Variants in PKIB observed in about 807,000 individuals in gnomAD.
PKIB encodes PKI-beta.
PKIB carries 2 observed loss-of-function variants against 4.5 expected under a neutral mutation model. The ratio of observed to expected loss-of-function variants is 0.44; its 90% CI spans 0.18 to 1.39. The LOEUF (loss-of-function observed/expected upper bound fraction) is 1.39. Ranked by LOEUF, PKIB falls within the 40% of genes most tolerant of loss-of-function variation. The probability of loss-of-function intolerance (pLI) is 0.27; values close to 1 mark genes in which losing one functional copy is unlikely to be tolerated. For missense variants in PKIB, 94 were observed against 92.6 expected, an observed-to-expected ratio of 1.02 and a Z score of -0.06; for synonymous variants, 38 against 36.0, an observed-to-expected ratio of 1.06 and a Z score of -0.20.
At chr6:122,633,929 C>CCTAT (rs61254507) in intron 2 of PKIB, among the ~76,000 whole-genome samples, 36,092 of 145,718 alleles carry the variant, frequency 0.25, 4,428 homozygotes, top group Middle Eastern at 0.33. Flanking sequence ...AGATATCTGT[C>CCTAT]CTATCTATCT....
At chr6:122,552,688 A>C (rs1772713624) in intron 2 of PKIB, among the ~76,000 whole-genome samples, 1 of 152,152 alleles carries the variant, frequency 6.6e-6, no homozygotes. Flanking sequence ...CATCTCAGGC[A>C]GTTCTAAAAC....
At chr6:122,630,102 TAAATCAAAACTATTGTA>T (rs1775635127) in intron 1 of PKIB, among the ~76,000 whole-genome samples, 1 of 152,146 alleles carries the variant, frequency 6.6e-6, no homozygotes, top group Admixed American at 6.5e-5. Flanking sequence ...TTTTTTTTTG[TAAATCAAAACTATTGTA>T]AAAAAATATG....
chr6:122,527,606 A>C lies in PKIB; in HGVS notation c.-248+49667A>C, dbSNP rs1777131987. 3.9e-5 allele frequency among the ~76,000 whole-genome samples: 6 copies of C among 152,258 alleles called. No homozygotes were observed. The South Asian group carries it at 1.2e-3, about 32-fold the overall frequency. On this transcript the variant is annotated intron_variant, in intron 2 of 6. Transcript: ENST00000392491. ...GTCAGAACATATACAACATTTATCA[A>C]TCAGTTTCACTGTTTTATATGGGAA... is the stretch of plus-strand genomic sequence containing the variant.
intron 3 of PKIB, among the ~76,000 whole-genome samples, chr6:122,598,235 A>C (rs1200288810): frequency 6.6e-6 from 1 of 152,202 alleles, no homozygotes; most frequent in African/African-American, 2.4e-5. Context: ...TCTTCTGTCC[A>C]TTCGACCTAG....
intron 1 of PKIB, among the ~76,000 whole-genome samples, chr6:122,613,545 A>G (rs1774851687): frequency 6.6e-6 from 1 of 152,172 alleles, no homozygotes; most frequent in Non-Finnish European, 1.5e-5. Context: ...AGACATTTTC[A>G]TATGTTATAT....
chr6:122,637,616 C>A (rs140303963), intron 2 of PKIB, among the ~76,000 whole-genome samples: 1 of 151,776 alleles, frequency 6.6e-6, no homozygotes. Context: ...ATTAGCTGGG[C>A]GTGGTGGCAG....
chr6:122,655,420 C>T (rs1258762657), intron 2 of PKIB, among the ~76,000 whole-genome samples: 1 of 152,130 alleles, frequency 6.6e-6, no homozygotes, highest in African/African-American at 2.4e-5. Flanking sequence ...AAAAGAGATC[C>T]AGGAGAACTC....
At chr6:122,521,656 G>T (rs924864955) in intron 2 of PKIB, among the ~76,000 whole-genome samples, 2 of 151,906 alleles carry the variant, frequency 1.3e-5, no homozygotes, top group Admixed American at 6.6e-5. Flanking sequence ...CTCCAGCCTG[G>T]GTGACAGAGC....
At chr6:122,519,242 T>A (rs1440553426) in intron 2 of PKIB, among the ~76,000 whole-genome samples, 1 of 151,998 alleles carries the variant, frequency 6.6e-6, no homozygotes, top group Admixed American at 6.5e-5. Flanking sequence ...TGCCTTCTTA[T>A]GAGATTCTAA....
Position 122,637,525 on chromosome 6 carries a change from G to A in PKIB, c.-76+4158G>A, listed in dbSNP as rs569244627. On this transcript the variant is annotated intron_variant, in intron 2 of 4. Coordinates refer to ENST00000368452, the MANE Select transcript of PKIB (RefSeq NM_181795.3). ...TAATCCCAACACTTTGGGAGGCCGA[G>A]GCAGGTGGATCACGAGGTCAGGAGA... is the stretch of plus-strand genomic sequence containing the variant. Among the ~76,000 whole-genome samples the A allele has an allele frequency of 2.0e-5, 3 of 152,170 alleles. No individual in the cohort carries two copies. The East Asian group carries it at 5.8e-4, about 29-fold the overall frequency.
At chr6:122,546,352 C>T (rs1328611356) in intron 2 of PKIB, among the ~76,000 whole-genome samples, 2 of 150,410 alleles carry the variant, frequency 1.3e-5, no homozygotes, top group African/African-American at 4.9e-5. Context: ...CCCTTCTATT[C>T]TCAAAATGAC....
intron 2 of PKIB, among the ~76,000 whole-genome samples, chr6:122,655,971 A>T (rs1269081231): frequency 1.3e-5 from 2 of 152,136 alleles, no homozygotes; most frequent in Non-Finnish European, 2.9e-5. Flanking sequence ...AATTGAGCTC[A>T]ACGGTAACCA....
chr6:122,668,368 G>A (rs942751848), intron 2 of PKIB, among the ~76,000 whole-genome samples: 2 of 152,120 alleles, frequency 1.3e-5, no homozygotes, highest in South Asian at 2.1e-4. Flanking sequence ...ATTCCTAACC[G>A]ATTTCTCTTC....
At position 122,558,563 on chromosome 6, in the gene PKIB, A is replaced by G. The variant is rs190683335; in HGVS notation, c.-247-27358A>G. On this transcript the variant is annotated intron_variant, in intron 2 of 6. Coordinates refer to the PKIB transcript ENST00000392491. ...AAGATGTTTGATAAGTAAAATCTAC[A>G]TATCTCCATTATATCATCCTTAGTT... is the stretch of plus-strand genomic sequence containing the variant. Among the ~76,000 whole-genome samples the G allele has an allele frequency of 9.7e-4, 147 of 152,330 alleles. 3 individuals are homozygous for G. In the East Asian group the frequency reaches 0.026, roughly 27 times the overall value.
intron 3 of PKIB, among the ~76,000 whole-genome samples, chr6:122,602,917 C>T (rs556676344): frequency 5.0e-5 from 7 of 139,524 alleles, no homozygotes; most frequent in South Asian, 2.3e-4. Flanking sequence ...GATCGCACCA[C>T]GGCACTCCAG....
At chr6:122,596,194 T>A (rs904972137) in intron 3 of PKIB, among the ~76,000 whole-genome samples, 1 of 152,194 alleles carries the variant, frequency 6.6e-6, no homozygotes, top group Admixed American at 6.5e-5. Context: ...CCTTCAGGGA[T>A]GTCCTAGAAA....
At chr6:122,556,730 A>T (rs1192078021) in intron 2 of PKIB, among the ~76,000 whole-genome samples, 1 of 152,016 alleles carries the variant, frequency 6.6e-6, no homozygotes, top group Non-Finnish European at 1.5e-5. Context: ...CTCTGCAGAA[A>T]ACTCTCCTCC....
intron 2 of PKIB, among the ~76,000 whole-genome samples, chr6:122,559,000 G>A (rs1397959286): frequency 6.6e-6 from 1 of 152,136 alleles, no homozygotes; most frequent in Non-Finnish European, 1.5e-5. Context: ...AACATATGAT[G>A]TTTATTTTTC....
At chr6:122,645,652 A>G (rs908189945) in intron 2 of PKIB, among the ~76,000 whole-genome samples, 18 of 152,224 alleles carry the variant, frequency 1.2e-4, no homozygotes, top group African/African-American at 4.1e-4. Flanking sequence ...GGAAACCTGG[A>G]TAGACCAGCA....
Sources: allele counts gnomAD v4.1 joint callset (sites outside exome capture counted in the v4.1 genomes callset), GRCh38; gene constraint gnomAD v4.1.1; transcripts MANE v1.5; gene names NCBI Gene and HGNC (gene_info 2026-07-23, HGNC 2026-07-21).